Variants in PARP9 observed in about 807,000 individuals in gnomAD.
The protein encoded by PARP9 is protein mono-ADP-ribosyltransferase PARP9.
Under a neutral mutation model 68.8 loss-of-function variants are expected in PARP9, and 48 were observed. That is an observed-to-expected ratio of 0.70 (90% CI 0.55 to 0.89). The LOEUF (loss-of-function observed/expected upper bound fraction) is 0.89, where lower values mean the gene tolerates loss of function less well. Ranked by LOEUF, PARP9 falls within the 40% of genes least tolerant of loss-of-function variation. The probability of loss-of-function intolerance (pLI) is 0.00; values close to 1 mark genes in which losing one functional copy is unlikely to be tolerated. For missense variants in PARP9, 806 were observed against 969.3 expected (o/e 0.83, Z 2.24); for synonymous variants, 309 against 333.8 (o/e 0.93, Z 0.81).
At chr3:122,543,919 T>C (rs2078477565) in intron 7 of PARP9, among the ~76,000 whole-genome samples, 1 of 152,252 alleles carries the variant, frequency 6.6e-6, no homozygotes, top group Admixed American at 6.5e-5. Context: ...TGATTAATCA[T>C]CTCCATGTTA....
chr3:122,531,180 C>T (rs898459180), intron 10 of PARP9, among the ~76,000 whole-genome samples: 4 of 152,120 alleles, frequency 2.6e-5, no homozygotes, highest in South Asian at 2.1e-4. Flanking sequence ...ATGTAGCTAG[C>T]GGCTACAATA....
intron 10 of PARP9, among the ~76,000 whole-genome samples, chr3:122,531,306 G>C (rs968460113): frequency 3.9e-5 from 6 of 152,190 alleles, no homozygotes; most frequent in Non-Finnish European, 5.9e-5. Flanking sequence ...AATTTATGTG[G>C]CAAGGTAATA....
chr3:122,552,257 C>A (rs556506588), intron 5 of PARP9, among the ~76,000 whole-genome samples, 161 bp downstream of exon 5: 2 of 152,090 alleles, frequency 1.3e-5, no homozygotes, highest in African/African-American at 4.8e-5. Flanking sequence ...GGCAACTGTA[C>A]CTGTTCAGTA....
intron 2 of PARP9, 76 bp from the exon 3 acceptor site, chr3:122,558,543 A>G (rs1277112136): frequency 6.5e-7 from 1 of 1,530,074 alleles, no homozygotes; most frequent in South Asian, 1.2e-5. Context: ...AATACACCCT[A>G]GTAAACACAA....
chr3:122,552,142 A>C (rs1483132749), intron 5 of PARP9, among the ~76,000 whole-genome samples: 1 of 148,640 alleles, frequency 6.7e-6, no homozygotes, highest in Non-Finnish European at 1.5e-5. Context: ...CTGGTCTCAG[A>C]CTCCTGGGCT....
intron 8 of PARP9, among the ~76,000 whole-genome samples, chr3:122,539,507 A>ATCTCTTTCTTTCTTTCTTTC (rs1008859984): frequency 2.3e-5 from 3 of 133,162 alleles, no homozygotes; most frequent in African/African-American, 5.9e-5. Context: ...CCAAGATGGC[A>ATCTCTTTCTTTCTTTCTTTC]TTTCTTTCTT....
intron 10 of PARP9, among the ~76,000 whole-genome samples, chr3:122,529,099 G>T (rs562312973): frequency 6.1e-4 from 92 of 152,056 alleles, no homozygotes; most frequent in East Asian, 3.9e-4. Flanking sequence ...TTAGCCAGGT[G>T]TGGTGGCAGG....
intron 10 of PARP9, among the ~76,000 whole-genome samples, chr3:122,529,997 C>CA (rs1202163093): frequency 6.6e-6 from 1 of 151,590 alleles, no homozygotes; most frequent in East Asian, 1.9e-4. Flanking sequence ...GGCAACATGG[C>CA]AAAACCCTAT....
chr3:122,556,535 G>A (rs756329294), intron 3 of PARP9, among the ~76,000 whole-genome samples: 14 of 152,174 alleles, frequency 9.2e-5, no homozygotes, highest in African/African-American at 2.2e-4. Flanking sequence ...CAAAATAGGC[G>A]GAGGTTTTAT....
At chr3:122,548,247 A>G (rs558956636) in intron 6 of PARP9, among the ~76,000 whole-genome samples, 1 of 152,354 alleles carries the variant, frequency 6.6e-6, no homozygotes, top group African/African-American at 2.4e-5. Flanking sequence ...AAGCTGGAAC[A>G]AGTATAAATT....
At chr3:122,545,292 G>C in intron 7 of PARP9, 140 bp downstream of exon 7, 1 of 775,448 alleles carries the variant, frequency 1.3e-6, no homozygotes. Flanking sequence ...TAGAGAGTAG[G>C]CAGGTATCCA....
rs1298893919 is a variant in PARP9, at chr3:122,528,056, T to C, written c.*308A>G. ...TAGAAAATAAAAGGCCTGCGTTATA[T>C]ACTAGAAAAATTTCTTCATTATATG... On this transcript the variant is annotated 3_prime_UTR_variant, in exon 11 of 11. Transcript: ENST00000682323. 2.0e-5 allele frequency: 4 copies of C among 200,570 alleles called. No homozygotes were observed. Among genetic ancestry groups the C allele is most frequent in the African/African-American group, 2.3e-5 (1 of 43,220 alleles). The allele number at this position is 200,570 out of a possible 1,614,324, so 12.4% of individuals were successfully genotyped here. A position where few individuals can be genotyped will look rare whatever the true frequency, so the allele number is the denominator to read the frequency against.
At chr3:122,555,062 T>C (rs2079528776) in intron 4 of PARP9, among the ~76,000 whole-genome samples, 1 of 151,766 alleles carries the variant, frequency 6.6e-6, no homozygotes, top group African/African-American at 2.4e-5. Flanking sequence ...AGAGATGGGG[T>C]CTGGGTATGT....
In PARP9 at chr3:122,556,140, TTAAAAAAAAAAA is replaced by T; in HGVS notation, c.50-31_50-20del. 1.1e-5 allele frequency: 1 copy of T among 92,802 alleles called. No individual in the cohort carries two copies. The highest frequency in any genetic ancestry group is 1.4e-4 in the East Asian group (1 of 7,180). 5.7% of individuals were successfully genotyped at this position (92,802 alleles called of 1,614,324 possible). ...CCAGTCTCTGGAAAAGAAGAGAAGA[TTAAAAAAAAAAA>T]AAAAAAAAAAAAAAAAAAAAAGCAC... On this transcript the variant is annotated intron_variant, in intron 3 of 10. Transcript: ENST00000682323.
At position 122,556,959 on chromosome 3, in the gene PARP9, G is replaced by T. The variant is rs183068566; in HGVS notation, c.50-838C>A. Reference sequence around the variant, plus strand: ...AGCCTCCTGAGTAGCCAGGGCTACAGGCTCACAGCACTACACCCACACCAT... The same window carrying T: ...AGCCTCCTGAGTAGCCAGGGCTACATGCTCACAGCACTACACCCACACCAT... On this transcript the variant is annotated intron_variant, in intron 3 of 10. Transcript: ENST00000682323. 1.6e-4 allele frequency among the ~76,000 whole-genome samples: 24 copies of T among 152,290 alleles called. No homozygotes were observed. In the East Asian group the frequency reaches 4.6e-3, roughly 29 times the overall value.
chr3:122,546,322 G>A (rs2078695713), intron 6 of PARP9, among the ~76,000 whole-genome samples: 1 of 152,214 alleles, frequency 6.6e-6, no homozygotes, highest in Non-Finnish European at 1.5e-5. Flanking sequence ...CTGGGCGGCG[G>A]CAGCAAGCCA....
At position 122,555,877 on chromosome 3, in the gene PARP9, A is replaced by G. The variant is rs1417201940; in HGVS notation, c.294T>C (p.Asp98=). ...CTTCATTGGCTGCATTCACCACAGC[A>G]TCAACAGCATGTGTGGTGAGGTCAT... is the stretch of plus-strand genomic sequence containing the variant. The part of the protein sequence containing the change: ...WKDDLTTHAV[D]AVVNAANEDL... The change falls in exon 4 of 11, where the codon GAT becomes GAC. Residue 98 remains aspartate (D), a synonymous_variant. Coordinates refer to ENST00000682323, the MANE Select transcript of PARP9 (RefSeq NM_001146105.2). The G allele has an allele frequency of 1.2e-6, 2 of 1,614,106 alleles. No homozygotes were observed. The highest frequency in any genetic ancestry group is 1.7e-6 in the Non-Finnish European group (2 of 1,180,016).
rs377537506 is a variant in PARP9, at chr3:122,536,455, G to A, written c.1906-113C>T. On this transcript the variant is annotated intron_variant, in intron 9 of 10. Transcript: ENST00000682323. ...TTATGTGCATAATACTACTTTGCATGCAATTCGCTTTTCATAGAAAGTTGC... is the reference window on the plus strand; with the variant it reads ...TTATGTGCATAATACTACTTTGCATACAATTCGCTTTTCATAGAAAGTTGC... 41 of 1,459,880 alleles carry A rather than the reference G, an allele frequency of 2.8e-5. No homozygotes were observed. The African/African-American group carries it at 4.1e-4, about 15-fold the overall frequency. 90.4% of individuals were successfully genotyped at this position (1,459,880 alleles called of 1,614,324 possible).
chr3:122,548,180 G>C (rs928989757), intron 6 of PARP9, among the ~76,000 whole-genome samples: 1 of 152,174 alleles, frequency 6.6e-6, no homozygotes, highest in Non-Finnish European at 1.5e-5. Flanking sequence ...AAATCTCCCC[G>C]TGTTTAATTG....
Sources: gnomAD v4.1 joint callset for allele counts (sites outside exome capture counted in the v4.1 genomes callset) on GRCh38, gnomAD v4.1.1 for gene constraint, MANE v1.5 for transcripts, NCBI Gene and HGNC (gene_info 2026-07-23, HGNC 2026-07-21) for gene names.